Variants in CERS6 observed in about 807,000 individuals in gnomAD.
CERS6 encodes the protein ceramide synthase 6.
Under a neutral mutation model 56.8 loss-of-function variants are expected in CERS6, and 26 were observed. The observed-to-expected ratio is 0.46, with a 90% CI of 0.34 to 0.63. The LOEUF is 0.63. Among genes scored for constraint, CERS6 ranks in the 30% least tolerant of loss-of-function variants. CERS6 has a pLI of 0.01. For synonymous variants in CERS6, 164 were observed against 173.3 expected (o/e 0.95, Z 0.42); for missense variants, 415 against 467.5 (o/e 0.89, Z 1.04).
At chr2:168,548,164 C>T (rs1384871484) in intron 2 of CERS6, among the ~76,000 whole-genome samples, 1 of 152,058 alleles carries the variant, frequency 6.6e-6, no homozygotes, top group Non-Finnish European at 1.5e-5. Context: ...AACAAGAAGG[C>T]ATAACTGCAG....
chr2:168,508,286 A>C (rs1694717138), intron 1 of CERS6, among the ~76,000 whole-genome samples: 1 of 152,210 alleles, frequency 6.6e-6, no homozygotes, highest in Non-Finnish European at 1.5e-5. Flanking sequence ...TCTGGGTAAA[A>C]TAGCAAAGCC....
intron 8 of CERS6, 123 bp from the exon 9 acceptor site, chr2:168,765,469 A>G: frequency 1.1e-6 from 1 of 939,474 alleles, no homozygotes; most frequent in South Asian, 2.4e-5. Flanking sequence ...CTTTCACACC[A>G]TCCTGCCAGA....
intron 6 of CERS6, among the ~76,000 whole-genome samples, chr2:168,709,409 T>A (rs1687034635): frequency 6.6e-6 from 1 of 151,440 alleles, no homozygotes. Context: ...AGACCATGTT[T>A]GATTTTTCCC....
chr2:168,631,504 TAA>T (rs1326097492), intron 4 of CERS6, among the ~76,000 whole-genome samples: 4 of 122,850 alleles, frequency 3.3e-5, no homozygotes, highest in East Asian at 4.3e-4. Flanking sequence ...TATATTAATA[TAA>T]TATATATAAA....
At chr2:168,500,584 G>C (rs1041219439) in intron 1 of CERS6, among the ~76,000 whole-genome samples, 1 of 152,156 alleles carries the variant, frequency 6.6e-6, no homozygotes, top group African/African-American at 2.4e-5. Flanking sequence ...TTGGGTTAGG[G>C]GGACAATTAC....
At chr2:168,620,469 T>C (rs4538165) in intron 3 of CERS6, among the ~76,000 whole-genome samples, 2,624 of 152,314 alleles carry the variant, frequency 0.017, 103 homozygotes, top group East Asian at 0.16. Context: ...TGAGCCTTCT[T>C]AGCCAACTAG....
chr2:168,659,176 T>G (rs1350251872), intron 4 of CERS6, among the ~76,000 whole-genome samples: 1 of 152,242 alleles, frequency 6.6e-6, no homozygotes, highest in Non-Finnish European at 1.5e-5. Flanking sequence ...CCACGCTTGG[T>G]TTGTTATTAC....
chr2:168,755,873 A>T (rs1173011007), intron 8 of CERS6, among the ~76,000 whole-genome samples: 1 of 152,222 alleles, frequency 6.6e-6, no homozygotes, highest in Non-Finnish European at 1.5e-5. Flanking sequence ...GAAACTTTGA[A>T]GCTAAAACAA....
intron 3 of CERS6, among the ~76,000 whole-genome samples, chr2:168,574,014 T>C (rs565377721): frequency 2.9e-4 from 44 of 152,302 alleles, no homozygotes; most frequent in African/African-American, 9.4e-4. Context: ...ATGCAGAATT[T>C]CTTCTAACGT....
chr2:168,688,415 CAA>C (rs55913069), intron 4 of CERS6, among the ~76,000 whole-genome samples: 15 of 135,372 alleles, frequency 1.1e-4, no homozygotes, highest in Admixed American at 1.5e-4. Flanking sequence ...GACTCCGTCT[CAA>C]AAAAAAAAAA....
At chr2:168,725,903 CT>C (rs1374400034) in intron 8 of CERS6, among the ~76,000 whole-genome samples, 1 of 152,148 alleles carries the variant, frequency 6.6e-6, no homozygotes, top group Non-Finnish European at 1.5e-5. Flanking sequence ...TGATCTGATC[CT>C]TTTTGAGAGT....
At chr2:168,598,323 A>G (rs889141915) in intron 3 of CERS6, among the ~76,000 whole-genome samples, 3 of 152,100 alleles carry the variant, frequency 2.0e-5, no homozygotes, top group South Asian at 2.1e-4. Flanking sequence ...ATATATGGCA[A>G]CCTCGTTTTT....
intron 1 of CERS6, among the ~76,000 whole-genome samples, chr2:168,530,676 C>T (rs1319596437): frequency 2.0e-5 from 3 of 152,098 alleles, no homozygotes; most frequent in Non-Finnish European, 1.5e-5. Context: ...TATCTTAAGT[C>T]TAGGGTACTT....
intron 3 of CERS6, among the ~76,000 whole-genome samples, chr2:168,571,244 C>T (rs1164551353): frequency 6.6e-6 from 1 of 151,972 alleles, no homozygotes; most frequent in African/African-American, 2.4e-5. Flanking sequence ...GGGGTAGGTG[C>T]CTTCTGCTTG....
chr2:168,754,691 C>G (rs1025763329), intron 8 of CERS6, among the ~76,000 whole-genome samples: 2 of 152,236 alleles, frequency 1.3e-5, no homozygotes, highest in African/African-American at 4.8e-5. Flanking sequence ...TCTTGCCAGC[C>G]TGAACATGAT....
At chr2:168,669,572 T>A (rs989714530) in intron 4 of CERS6, among the ~76,000 whole-genome samples, 1 of 152,162 alleles carries the variant, frequency 6.6e-6, no homozygotes, top group Non-Finnish European at 1.5e-5. Flanking sequence ...GCCACCCTCT[T>A]CATACTGAGC....
chr2:168,594,982 A>G (rs1683765348), intron 3 of CERS6, among the ~76,000 whole-genome samples: 1 of 152,116 alleles, frequency 6.6e-6, no homozygotes, highest in East Asian at 1.9e-4. Context: ...TTTCTTTGAG[A>G]TTAAGAGAAT....
rs369088748 is a variant in CERS6 at position 168,459,845 on chromosome 2, A to G, written c.170+3227A>G. Among the ~76,000 whole-genome samples the G allele has an allele frequency of 7.9e-5, 12 of 152,326 alleles. No homozygotes were observed. The East Asian group carries it at 1.5e-3, about 20-fold the overall frequency. ...ATGCTTCTTCCAACTTCACTTTTTCAAAAATGTGTTTTGCTGTGGTATTTA... is the reference window on the plus strand; with the variant it reads ...ATGCTTCTTCCAACTTCACTTTTTCGAAAATGTGTTTTGCTGTGGTATTTA... On this transcript the variant is annotated intron_variant, in intron 1 of 9. Transcript: ENST00000305747.
chr2:168,497,082 C>G (rs1694485524), intron 1 of CERS6, among the ~76,000 whole-genome samples: 1 of 152,176 alleles, frequency 6.6e-6, no homozygotes, highest in African/African-American at 2.4e-5. Flanking sequence ...AAGTAAACTG[C>G]TTTGAACCAC....
Sources: gnomAD v4.1 joint callset for allele counts (sites outside exome capture counted in the v4.1 genomes callset) on GRCh38, gnomAD v4.1.1 for gene constraint, MANE v1.5 for transcripts, NCBI Gene and HGNC (gene_info 2026-07-23, HGNC 2026-07-21) for gene names.